The following CACNA1C variants were observed in gnomAD, a reference collection of about 807,000 sequenced individuals.
CACNA1C encodes the protein calcium voltage-gated channel subunit alpha1 C, also known as voltage-dependent L-type calcium channel subunit alpha-1C.
A neutral mutation model predicts 229.0 loss-of-function variants in CACNA1C; 30 were observed. That is an observed-to-expected ratio of 0.13 (90% CI 0.10 to 0.18). The LOEUF (loss-of-function observed/expected upper bound fraction) is 0.18, where lower values mean the gene tolerates loss of function less well. Ranked by LOEUF, CACNA1C falls within the 10% of genes least tolerant of loss-of-function variation. The pLI, the probability that CACNA1C is intolerant of heterozygous loss-of-function variation, is 1.00. For synonymous variants in CACNA1C, 1,114 were observed against 1,132.5 expected (o/e 0.98, Z 0.33); for missense variants, 1,658 against 2,845.0 (o/e 0.58, Z 9.49).
chr12:2,063,220 C>T lies in CACNA1C; in HGVS notation c.49+9609C>T, dbSNP rs568332304. Among the ~76,000 whole-genome samples, 16 of 150,640 alleles carry T rather than the reference C, an allele frequency of 1.1e-4. No individual in the cohort carries two copies. In the South Asian group the frequency reaches 2.5e-3, roughly 24 times the overall value. On this transcript the variant is annotated intron_variant, in intron 1 of 46. Coordinates refer to ENST00000399655, the MANE Select transcript of CACNA1C (RefSeq NM_000719.7). ...AGGCTGGAGTGCAGTGGTACGATCT[C>T]GTCTCACTGCAACCTCCGACTCCCT...
intron 3 of CACNA1C, among the ~76,000 whole-genome samples, chr12:2,272,261 C>T (rs1305528333): frequency 2.0e-5 from 3 of 152,168 alleles, no homozygotes; most frequent in African/African-American, 4.8e-5. Context: ...CTTGTTTTCA[C>T]CTCTGCCTTA....
Position 2,688,626 on chromosome 12 carries a change from A to G in CACNA1C, c.5964A>G (p.Pro1988=). Residue 1988 remains proline, a synonymous_variant, in exon 46 of 47, where the codon CCA becomes CCG. Coordinates refer to ENST00000399655, the MANE Select transcript of CACNA1C (RefSeq NM_000719.7). ...GTGAGAAACTCAACAGCAGCTTCCC[A>G]TCCATCCACTGCGGCTCCTGGGCTG... The part of the protein sequence containing the change: ...ESSEKLNSSF[P]SIHCGSWAET... 1 of 1,613,874 alleles carries G rather than the reference A, an allele frequency of 6.2e-7. No homozygotes were observed. Among genetic ancestry groups the G allele is most frequent in the Non-Finnish European group, 8.5e-7 (1 of 1,179,860 alleles).
intron 3 of CACNA1C, among the ~76,000 whole-genome samples, chr12:2,225,551 A>T (rs550013787): frequency 1.3e-5 from 2 of 152,344 alleles, no homozygotes; most frequent in East Asian, 3.9e-4. Flanking sequence ...TGCCCCCTGG[A>T]ACCTGAGCAA....
chr12:2,433,671 C>A (rs2099108212), intron 3 of CACNA1C, among the ~76,000 whole-genome samples: 1 of 120,204 alleles, frequency 8.3e-6, no homozygotes, highest in African/African-American at 2.7e-5. Flanking sequence ...TGCCTACAGA[C>A]AGCCCTTCCT....
chr12:2,398,974 A>G (rs2098635793), intron 3 of CACNA1C, among the ~76,000 whole-genome samples: 1 of 152,158 alleles, frequency 6.6e-6, no homozygotes, highest in Non-Finnish European at 1.5e-5. Flanking sequence ...AGACCCCAGG[A>G]ACATGGGGCT....
intron 6 of CACNA1C, among the ~76,000 whole-genome samples, chr12:2,490,586 G>C (rs1414913286): frequency 6.6e-6 from 1 of 152,170 alleles, no homozygotes; most frequent in South Asian, 2.1e-4. Flanking sequence ...CATAATTAAT[G>C]ATCTAATTGG....
chr12:2,074,164 A>G (rs374427487), intron 1 of CACNA1C, among the ~76,000 whole-genome samples: 2 of 98,284 alleles, frequency 2.0e-5, no homozygotes, highest in Middle Eastern at 5.6e-3. Context: ...GATAATGTAG[A>G]TAATGTAGGA....
At chr12:2,558,968 G>C (rs2046076161) in intron 11 of CACNA1C, among the ~76,000 whole-genome samples, 1 of 152,078 alleles carries the variant, frequency 6.6e-6, no homozygotes. Context: ...CTCTCTCTCA[G>C]TAATGCTTGG....
intron 1 of CACNA1C, chr12:2,004,314 G>A: frequency 6.2e-7 from 1 of 1,613,374 alleles, no homozygotes; most frequent in Non-Finnish European, 8.5e-7. Flanking sequence ...AAGGTGTACA[G>A]AGCCACCTGG....
intron 3 of CACNA1C, among the ~76,000 whole-genome samples, chr12:2,436,132 G>GA (rs1314946029): frequency 6.6e-6 from 1 of 152,192 alleles, no homozygotes. Context: ...GGTGGGGAAG[G>GA]AAGGATTTAA....
intron 1 of CACNA1C, among the ~76,000 whole-genome samples, chr12:1,981,850 T>G (rs1400645971): frequency 6.6e-6 from 1 of 152,132 alleles, no homozygotes; most frequent in Non-Finnish European, 1.5e-5. Flanking sequence ...TTGGTCAGAA[T>G]GAGGGAGAGA....
intron 3 of CACNA1C, among the ~76,000 whole-genome samples, chr12:2,251,636 A>G (rs2075651222): frequency 6.6e-6 from 1 of 152,224 alleles, no homozygotes; most frequent in Non-Finnish European, 1.5e-5. Context: ...GAACATACAT[A>G]TCTTCTAATG....
intron 3 of CACNA1C, among the ~76,000 whole-genome samples, chr12:2,222,857 C>T (rs1365420722): frequency 6.6e-6 from 1 of 152,184 alleles, no homozygotes; most frequent in African/African-American, 2.4e-5. Flanking sequence ...ATACATGGTT[C>T]AGCTGTTCTG....
chr12:2,282,951 C>T (rs1365250041), intron 3 of CACNA1C, among the ~76,000 whole-genome samples: 1 of 151,940 alleles, frequency 6.6e-6, no homozygotes, highest in Non-Finnish European at 1.5e-5. Flanking sequence ...GTCAATGGGG[C>T]TCCAGGCATC....
chr12:2,196,941 G>A (rs753957278), intron 3 of CACNA1C, among the ~76,000 whole-genome samples: 9 of 152,212 alleles, frequency 5.9e-5, no homozygotes, highest in Non-Finnish European at 1.2e-4. Flanking sequence ...TGGGGAAAGC[G>A]AAGCCTCTAG....
intron 3 of CACNA1C, among the ~76,000 whole-genome samples, chr12:2,399,041 C>T (rs73037254): frequency 0.062 from 9,491 of 152,196 alleles, 316 homozygotes; most frequent in African/African-American, 0.093. Context: ...CACCTCCCCC[C>T]GGGGACTTGA....
chr12:2,426,929 C>T (rs183665140), intron 3 of CACNA1C, among the ~76,000 whole-genome samples: 109 of 152,312 alleles, frequency 7.2e-4, no homozygotes, highest in African/African-American at 2.5e-3. Flanking sequence ...AGCTGTTGCA[C>T]ATTATTCCAC....
chr12:1,987,922 A>G (rs1291259658), intron 1 of CACNA1C, among the ~76,000 whole-genome samples: 1 of 152,124 alleles, frequency 6.6e-6, no homozygotes, highest in Non-Finnish European at 1.5e-5. Context: ...TCATCACCAA[A>G]CTCTTAAAAA....
At chr12:2,146,854 AG>A (rs2094762488) in intron 3 of CACNA1C, among the ~76,000 whole-genome samples, 1 of 149,940 alleles carries the variant, frequency 6.7e-6, no homozygotes, top group South Asian at 2.1e-4. Context: ...TGAATGTCTA[AG>A]GGTGGACCCA....
Sources: gnomAD v4.1 joint callset for allele counts (sites outside exome capture counted in the v4.1 genomes callset) on GRCh38, gnomAD v4.1.1 for gene constraint, MANE v1.5 for transcripts, NCBI Gene and HGNC (gene_info 2026-07-23, HGNC 2026-07-21) for gene names.